TRAPPC11: variants seen among roughly 807,000 people sequenced by gnomAD.
TRAPPC11 encodes the protein trafficking protein particle complex subunit 11, also known as foie gras homolog.
Under a neutral mutation model 151.2 loss-of-function variants are expected in TRAPPC11, and 104 were observed. The ratio of observed to expected loss-of-function variants is 0.69; its 90% confidence interval spans 0.59 to 0.81. The LOEUF is 0.81. Among genes scored for constraint, TRAPPC11 ranks in the 30% least tolerant of loss-of-function variants. TRAPPC11 has a pLI of 0.00. For synonymous variants in TRAPPC11, 456 were observed against 472.3 expected, an observed-to-expected ratio of 0.97 and a Z score of 0.45; for missense variants, 1,230 against 1,349.6, an observed-to-expected ratio of 0.91 and a Z score of 1.39.
chr4:183,675,162 A>G lies in TRAPPC11; in HGVS notation c.661-2A>G. On this transcript the variant is annotated splice_acceptor_variant, in intron 6 of 29. Transcript: ENST00000334690. LOFTEE classifies it high-confidence loss of function. Reference sequence around the variant, plus strand: ...AATAGTAATTTTTTTGTCTCTTTTTAGCTTTTATTTGTTAGGCATCAGTTC... The same window carrying G: ...AATAGTAATTTTTTTGTCTCTTTTTGGCTTTTATTTGTTAGGCATCAGTTC... 3.4e-6 allele frequency: 5 copies of G among 1,486,458 alleles called. No individual in the cohort carries two copies. Among genetic ancestry groups the G allele is most frequent in the Non-Finnish European group, 4.5e-6 (5 of 1,110,170 alleles). The allele number at this position is 1,486,458 out of a possible 1,614,324, so 92.1% of individuals were successfully genotyped here.
In TRAPPC11 at chr4:183,694,023, A is replaced by G; in HGVS notation, c.2493A>G (p.Leu831=). The G allele has an allele frequency of 2.5e-6, 4 of 1,613,934 alleles. No homozygotes were observed. Among genetic ancestry groups the G allele is most frequent in the Non-Finnish European group, 3.4e-6 (4 of 1,179,786 alleles). The change falls in exon 22 of 30, where the codon TTA becomes TTG. Residue 831 remains leucine, a synonymous_variant. Transcript: ENST00000334690. ...TCACTGACATTCCTGTTGGAGACTTACATCCAGGGGAACAGGTAAACTTGG... is the reference window on the plus strand; with the variant it reads ...TCACTGACATTCCTGTTGGAGACTTGCATCCAGGGGAACAGGTAAACTTGG... The part of the protein sequence containing the change: ...ALLTDIPVGD[L]HPGEQLEKML...
chr4:183,679,960 G>A (rs544736552), intron 9 of TRAPPC11, among the ~76,000 whole-genome samples, 160 bp from the exon 10 acceptor site: 40 of 152,160 alleles, frequency 2.6e-4, no homozygotes, highest in Non-Finnish European at 4.9e-4. Flanking sequence ...CAGTTAGTGT[G>A]TATTAATATT....
rs553227036 is a variant in TRAPPC11 at position 183,668,478 on chromosome 4, A to G, written c.560+361A>G. 4.6e-5 allele frequency among the ~76,000 whole-genome samples: 7 copies of G among 152,322 alleles called. No homozygotes were observed. The South Asian group carries it at 6.2e-4, about 14-fold the overall frequency. On this transcript the variant is annotated intron_variant, in intron 5 of 29. Coordinates refer to ENST00000334690, the MANE Select transcript of TRAPPC11 (RefSeq NM_021942.6). ...CATTACCTCATTAACATGCTTCCAT[A>G]TGTGCATCTAGGTCAACTTTATTTA...
intron 10 of TRAPPC11, among the ~76,000 whole-genome samples, chr4:183,680,745 T>C (rs12163865): frequency 0.49 from 70,377 of 144,410 alleles, 17,751 homozygotes; most frequent in African/African-American, 0.62. Flanking sequence ...AGTGCAGTGG[T>C]GCAGTCTCGG....
chr4:183,674,894 C>A, intron 6 of TRAPPC11, 82 bp downstream of exon 6: 1 of 835,596 alleles, frequency 1.2e-6, no homozygotes, highest in Non-Finnish European at 1.9e-6. Flanking sequence ...GTTCTTAATA[C>A]TTTAATGTTT....
At chr4:183,663,743 T>TC (rs1229159380) in intron 1 of TRAPPC11, 104 bp from the exon 2 acceptor site, 1 of 510,706 alleles carries the variant, frequency 2.0e-6, no homozygotes, top group East Asian at 3.4e-5. Context: ...GTTGTTTTTT[T>TC]TTTTTTTTTT....
Position 183,684,759 on chromosome 4 carries a change from A to C in TRAPPC11, c.1485A>C (p.Val495=). The C allele has an allele frequency of 6.2e-7, 1 of 1,613,966 alleles. No individual in the cohort carries two copies. ...GATGGTGGACTCTGCTCACTTCTGT[A>C]TTAACTACAGCTCTGAAGTGCTCCT... ...SEGWWTLLTS[V]LTTALKCSYL... is the part of the protein sequence containing the mutation. Residue 495 remains valine, a synonymous_variant, in exon 15 of 30, where the codon GTA becomes GTC. Coordinates refer to ENST00000334690, the MANE Select transcript of TRAPPC11 (RefSeq NM_021942.6).
At chr4:183,668,748 C>T (rs1178435933) in intron 5 of TRAPPC11, among the ~76,000 whole-genome samples, 1 of 152,132 alleles carries the variant, frequency 6.6e-6, no homozygotes, top group Admixed American at 6.5e-5. Flanking sequence ...CACAACATTA[C>T]CTCAAAAATC....
intron 8 of TRAPPC11, 97 bp downstream of exon 8, chr4:183,677,651 G>A (rs1735480890): frequency 1.3e-6 from 1 of 747,946 alleles, no homozygotes; most frequent in Non-Finnish European, 2.3e-6. Flanking sequence ...GCTCTGAAAA[G>A]TTAGTATTTG....
chr4:183,679,450 A>C lies in TRAPPC11; in HGVS notation c.929A>C (p.Glu310Ala). 1 of 1,612,394 alleles carries C rather than the reference A, an allele frequency of 6.2e-7. No individual in the cohort carries two copies. The highest frequency in any genetic ancestry group is 8.5e-7 in the Non-Finnish European group (1 of 1,179,284). The part of the protein sequence containing the change: ...DLCKKKIGSA[E>A]LSFEHDAWMS... ...TGTAAGAAAAAGATTGGAAGTGCAG[A>C]GCTGTCTTTTGAGCATGATGCATGG... Residue 310 changes from glutamate (E) to alanine (A), a missense_variant, in exon 9 of 30, where the codon GAG becomes GCG. Coordinates refer to ENST00000334690, the MANE Select transcript of TRAPPC11 (RefSeq NM_021942.6).
At chr4:183,710,830 A>G (rs1033846535) in intron 29 of TRAPPC11, among the ~76,000 whole-genome samples, 3 of 151,590 alleles carry the variant, frequency 2.0e-5, no homozygotes, top group African/African-American at 4.8e-5. Flanking sequence ...GGAGTTCGAG[A>G]CCAGCCTAGT....
At chr4:183,697,882 CGTGT>C (rs111781155) in intron 25 of TRAPPC11, 47 bp downstream of exon 25, 89 of 1,029,802 alleles carry the variant, frequency 8.6e-5, no homozygotes, top group Non-Finnish European at 1.0e-4. Context: ...ATTGTGCGCG[CGTGT>C]GTGTGTGTGT....
At chr4:183,703,530 T>C (rs1455173640) in intron 26 of TRAPPC11, among the ~76,000 whole-genome samples, 1 of 152,254 alleles carries the variant, frequency 6.6e-6, no homozygotes, top group Admixed American at 6.5e-5. Context: ...TTATATGCTA[T>C]TGAAATTTTA....
chr4:183,679,137 A>G (rs1458084926), intron 8 of TRAPPC11, among the ~76,000 whole-genome samples: 1 of 152,232 alleles, frequency 6.6e-6, no homozygotes, highest in East Asian at 1.9e-4. Context: ...TTATGTACAA[A>G]TAGTGAGTTA....
At chr4:183,704,518 C>CAAAAAA (rs140497615) in intron 26 of TRAPPC11, among the ~76,000 whole-genome samples, 1 of 86,432 alleles carries the variant, frequency 1.2e-5, no homozygotes. Context: ...GAGACTGTCT[C>CAAAAAA]AAAAAAAAAA....
intron 1 of TRAPPC11, among the ~76,000 whole-genome samples, chr4:183,660,753 G>T (rs1399388851): frequency 6.6e-6 from 1 of 151,942 alleles, no homozygotes; most frequent in Non-Finnish European, 1.5e-5. Context: ...TTGCTCTGTT[G>T]CCCAGGCTGG....
intron 25 of TRAPPC11, among the ~76,000 whole-genome samples, chr4:183,700,024 C>T (rs1437633548): frequency 6.6e-6 from 1 of 152,078 alleles, no homozygotes; most frequent in East Asian, 1.9e-4. Flanking sequence ...CAGGGTTTCA[C>T]CGTGGTCTCG....
At position 183,663,872 on chromosome 4, in the gene TRAPPC11, G is replaced by A; in HGVS notation, c.5G>A (p.Ser2Asn). The part of the protein sequence containing the change: M[S>N]PTQWDFPVEL... ...GTTTTTTGTGACATCGTAAACATGAGCCCCACACAGTGGGACTTCCCTGTG... is the reference window on the plus strand; with the variant it reads ...GTTTTTTGTGACATCGTAAACATGAACCCCACACAGTGGGACTTCCCTGTG... Residue 2 changes from serine to asparagine, a missense_variant, in exon 2 of 30, where the codon AGC (serine) becomes AAC (asparagine). Transcript: ENST00000334690. The A allele has an allele frequency of 6.2e-7, 1 of 1,611,664 alleles. No individual in the cohort carries two copies. The highest frequency in any genetic ancestry group is 2.2e-5 in the East Asian group (1 of 44,790).
At chr4:183,694,497 C>T in intron 22 of TRAPPC11, 107 bp from the exon 23 acceptor site, 2 of 1,117,010 alleles carry the variant, frequency 1.8e-6, no homozygotes, top group Non-Finnish European at 2.6e-6. Flanking sequence ...AAGAATTTAG[C>T]CAGTTGGTAT....
Sources: allele counts gnomAD v4.1 joint callset (sites outside exome capture counted in the v4.1 genomes callset), GRCh38; gene constraint gnomAD v4.1.1; transcripts MANE v1.5; gene names NCBI Gene and HGNC (gene_info 2026-07-23, HGNC 2026-07-21).